The following RABGAP1L variants were observed in gnomAD, a reference collection of about 807,000 sequenced individuals.
RABGAP1L encodes rab GTPase-activating protein 1-like.
RABGAP1L carries 63 observed loss-of-function variants against 137.7 expected under a neutral mutation model. The observed-to-expected ratio is 0.46, with a 90% CI of 0.37 to 0.56. The LOEUF is 0.56. Ranked by LOEUF, RABGAP1L falls within the 20% of genes least tolerant of loss-of-function variation. The pLI is 0.00. For missense variants in RABGAP1L, 1,095 were observed against 1,244.0 expected, an observed-to-expected ratio of 0.88 and a Z score of 1.80; for synonymous variants, 431 against 433.7, an observed-to-expected ratio of 0.99 and a Z score of 0.08.
intron 19 of RABGAP1L, among the ~76,000 whole-genome samples, chr1:174,868,938 A>G (rs1478370537): frequency 6.6e-6 from 1 of 152,248 alleles, no homozygotes; most frequent in East Asian, 1.9e-4. Context: ...GAAAATTGGT[A>G]GAGGATTGAA....
intron 17 of RABGAP1L, among the ~76,000 whole-genome samples, chr1:174,734,954 CTTTTTTTTTTT>C (rs756783714): frequency 4.2e-5 from 4 of 96,116 alleles, no homozygotes; most frequent in African/African-American, 1.8e-4. Flanking sequence ...GGATCTCTCT[CTTTTTTTTTTT>C]TTTTTTTTTT....
At chr1:174,764,027 A>G (rs1377229720) in intron 18 of RABGAP1L, among the ~76,000 whole-genome samples, 1 of 152,108 alleles carries the variant, frequency 6.6e-6, no homozygotes, top group African/African-American at 2.4e-5. Flanking sequence ...AGATTTACCT[A>G]TTCTGAACAT....
chr1:174,660,728 T>C (rs1572716203), intron 14 of RABGAP1L, among the ~76,000 whole-genome samples: 1 of 152,194 alleles, frequency 6.6e-6, no homozygotes. Context: ...GGAACACTTA[T>C]CCAAGAAATC....
intron 14 of RABGAP1L, among the ~76,000 whole-genome samples, chr1:174,663,513 A>G (rs1406240254): frequency 6.6e-6 from 1 of 152,208 alleles, no homozygotes; most frequent in Non-Finnish European, 1.5e-5. Flanking sequence ...ATGTTTGCAC[A>G]ACAACAAAAT....
intron 19 of RABGAP1L, among the ~76,000 whole-genome samples, chr1:174,876,337 C>CA (rs1311895551): frequency 6.6e-6 from 1 of 152,112 alleles, no homozygotes; most frequent in East Asian, 1.9e-4. Context: ...GAATATTTCT[C>CA]ATAGTAAGTA....
At chr1:174,781,456 C>T (rs1390544418) in intron 18 of RABGAP1L, among the ~76,000 whole-genome samples, 1 of 152,086 alleles carries the variant, frequency 6.6e-6, no homozygotes, top group African/African-American at 2.4e-5. Context: ...TTTGTAGATT[C>T]TGGATATTAG....
At chr1:174,630,604 TC>T (rs1275688938) in intron 13 of RABGAP1L, among the ~76,000 whole-genome samples, 2 of 99,410 alleles carry the variant, frequency 2.0e-5, no homozygotes, top group Non-Finnish European at 3.8e-5. Context: ...TTCAACTTCT[TC>T]CTGGTTTAGT....
chr1:174,611,067 C>T (rs1409394922), intron 13 of RABGAP1L, among the ~76,000 whole-genome samples: 12 of 149,438 alleles, frequency 8.0e-5, no homozygotes, highest in Non-Finnish European at 1.6e-4. Context: ...TAATTAGATC[C>T]CATTTGTCAA....
chr1:174,305,700 A>T (rs1295889310), intron 11 of RABGAP1L, among the ~76,000 whole-genome samples: 1 of 151,676 alleles, frequency 6.6e-6, no homozygotes, highest in Non-Finnish European at 1.5e-5. Flanking sequence ...TTAATTTTTT[A>T]AATTTTTTAG....
intron 11 of RABGAP1L, among the ~76,000 whole-genome samples, chr1:174,309,037 C>G (rs1461537422): frequency 6.6e-6 from 1 of 151,980 alleles, no homozygotes; most frequent in African/African-American, 2.4e-5. Flanking sequence ...TTTGTATCTT[C>G]TTAAATTTCT....
chr1:174,707,449 T>C (rs1680140329), intron 17 of RABGAP1L, among the ~76,000 whole-genome samples: 1 of 152,192 alleles, frequency 6.6e-6, no homozygotes, highest in Non-Finnish European at 1.5e-5. Context: ...TCCAGCAAAG[T>C]ATTTTCAGTC....
At chr1:174,877,842 G>C (rs1382617368) in intron 19 of RABGAP1L, among the ~76,000 whole-genome samples, 1 of 152,090 alleles carries the variant, frequency 6.6e-6, no homozygotes, top group Non-Finnish European at 1.5e-5. Flanking sequence ...ATATCACTTT[G>C]TCTTAAGTTT....
At chr1:174,429,856 C>T (rs1210294733) in intron 13 of RABGAP1L, among the ~76,000 whole-genome samples, 2 of 152,212 alleles carry the variant, frequency 1.3e-5, no homozygotes, top group East Asian at 1.9e-4. Context: ...GCATAGGGGT[C>T]TGTTTCCAGC....
At chr1:174,183,792 T>A (rs1666578307) in intron 1 of RABGAP1L, among the ~76,000 whole-genome samples, 1 of 152,238 alleles carries the variant, frequency 6.6e-6, no homozygotes, top group African/African-American at 2.4e-5. Flanking sequence ...CCCTAGTTTG[T>A]CTTGCCTCAA....
At chr1:174,308,095 G>T (rs1678472445) in intron 11 of RABGAP1L, among the ~76,000 whole-genome samples, 1 of 151,756 alleles carries the variant, frequency 6.6e-6, no homozygotes, top group African/African-American at 2.4e-5. Context: ...ATACCTGTTA[G>T]TCATTTGCAT....
At chr1:174,962,765 T>A (rs1026862732) in intron 20 of RABGAP1L, among the ~76,000 whole-genome samples, 1 of 152,216 alleles carries the variant, frequency 6.6e-6, no homozygotes, top group Non-Finnish European at 1.5e-5. Context: ...GGACCCTTTC[T>A]TACTCAGGGG....
chr1:174,482,013 A>G (rs1659148282), intron 13 of RABGAP1L, among the ~76,000 whole-genome samples: 1 of 152,220 alleles, frequency 6.6e-6, no homozygotes, highest in Non-Finnish European at 1.5e-5. Flanking sequence ...AATCTGGATT[A>G]TGCTAGTGGG....
intron 13 of RABGAP1L, among the ~76,000 whole-genome samples, chr1:174,479,887 ACTCT>A (rs544046394): frequency 6.6e-6 from 1 of 151,466 alleles, no homozygotes; most frequent in Non-Finnish European, 1.5e-5. Flanking sequence ...TAGGATATTT[ACTCT>A]CTCTCTCTCA....
intron 19 of RABGAP1L, among the ~76,000 whole-genome samples, chr1:174,848,919 A>G (rs1647627777): frequency 6.6e-6 from 1 of 150,738 alleles, no homozygotes; most frequent in Non-Finnish European, 1.5e-5. Context: ...GGTGTGGGAT[A>G]TAGTCTCGTG....
Sources: allele counts gnomAD v4.1 joint callset (sites outside exome capture counted in the v4.1 genomes callset), GRCh38; gene constraint gnomAD v4.1.1; transcripts MANE v1.5; gene names NCBI Gene and HGNC (gene_info 2026-07-23, HGNC 2026-07-21).